The following FUT9 variants were observed in gnomAD, a reference collection of about 807,000 sequenced individuals.
FUT9 encodes 4-galactosyl-N-acetylglucosaminide 3-alpha-L-fucosyltransferase 9.
In FUT9, 15 loss-of-function variants were observed where a neutral mutation model predicts 29.7. The observed-to-expected ratio is 0.51, with a 90% CI of 0.34 to 0.78. The LOEUF (loss-of-function observed/expected upper bound fraction) is 0.78, where lower values mean the gene tolerates loss of function less well. Ranked by LOEUF, FUT9 falls within the 30% of genes least tolerant of loss-of-function variation. The probability of loss-of-function intolerance (pLI) is 0.01; values close to 1 mark genes in which losing one functional copy is unlikely to be tolerated. For synonymous variants in FUT9, 169 were observed against 153.7 expected (o/e 1.10, Z -0.74); for missense variants, 319 against 425.4 (o/e 0.75, Z 2.20).
At chr6:96,147,743 C>CA (rs1393429550) in intron 2 of FUT9, among the ~76,000 whole-genome samples, 3 of 151,206 alleles carry the variant, frequency 2.0e-5, no homozygotes, top group African/African-American at 7.3e-5. Flanking sequence ...AGGAGTTTTT[C>CA]AAAAAATCTC....
At chr6:96,107,707 G>T (rs917553544) in intron 1 of FUT9, among the ~76,000 whole-genome samples, 1 of 152,106 alleles carries the variant, frequency 6.6e-6, no homozygotes, top group African/African-American at 2.4e-5. Context: ...GTTTGTCAAT[G>T]GTCCTAAGTG....
intron 1 of FUT9, among the ~76,000 whole-genome samples, chr6:96,060,463 C>A (rs1026800965): frequency 3.3e-5 from 5 of 151,900 alleles, no homozygotes; most frequent in Non-Finnish European, 7.4e-5. Context: ...ATGATGTAAC[C>A]ATTTAAGTAA....
intron 1 of FUT9, among the ~76,000 whole-genome samples, chr6:96,113,262 A>G (rs2127961557): frequency 6.6e-6 from 1 of 152,076 alleles, no homozygotes; most frequent in African/African-American, 2.4e-5. Context: ...TTTTTGAGAC[A>G]GAGTCTTGCT....
chr6:96,203,488 A>G lies in FUT9; in HGVS notation c.333A>G (p.Arg111=). The part of the protein sequence containing the change: ...NKSHAVLIHH[R]DISWDLTNLP... ...CCCATGCAGTTCTGATCCATCACCG[A>G]GACATCAGTTGGGATCTGACAAATT... The change falls in exon 3 of 3, where the codon CGA becomes CGG. Residue 111 remains arginine, a synonymous_variant. Coordinates refer to ENST00000302103, the MANE Select transcript of FUT9 (RefSeq NM_006581.4). 1.2e-6 allele frequency: 2 copies of G among 1,611,524 alleles called. No individual in the cohort carries two copies. The highest frequency in any genetic ancestry group is 1.1e-5 in the South Asian group (1 of 90,774).
intron 2 of FUT9, among the ~76,000 whole-genome samples, chr6:96,193,080 G>T (rs1333114311): frequency 6.6e-6 from 1 of 150,564 alleles, no homozygotes; most frequent in African/African-American, 2.4e-5. Context: ...TTAAATGTTA[G>T]ACCTAAAACC....
intron 1 of FUT9, among the ~76,000 whole-genome samples, chr6:96,104,342 A>G (rs1456391867): frequency 1.3e-5 from 2 of 152,208 alleles, no homozygotes; most frequent in African/African-American, 2.4e-5. Flanking sequence ...TAAATATTTT[A>G]ATATTATTTG....
At chr6:96,199,650 T>C (rs1424300296) in intron 2 of FUT9, among the ~76,000 whole-genome samples, 3 of 152,108 alleles carry the variant, frequency 2.0e-5, no homozygotes, top group Non-Finnish European at 4.4e-5. Flanking sequence ...TTTGCTCTTC[T>C]AGTGGTAGGA....
At chr6:96,108,937 C>A (rs1771745830) in intron 1 of FUT9, among the ~76,000 whole-genome samples, 1 of 152,018 alleles carries the variant, frequency 6.6e-6, no homozygotes, top group Non-Finnish European at 1.5e-5. Context: ...GTGTTAGGAA[C>A]CCTTATGGCC....
chr6:96,045,947 T>C (rs1770555675), intron 1 of FUT9, among the ~76,000 whole-genome samples: 1 of 152,162 alleles, frequency 6.6e-6, no homozygotes, highest in Non-Finnish European at 1.5e-5. Context: ...CACCATGAGG[T>C]AGGGTATAAT....
At chr6:96,169,731 T>C (rs1054368430) in intron 2 of FUT9, among the ~76,000 whole-genome samples, 9 of 152,186 alleles carry the variant, frequency 5.9e-5, no homozygotes, top group African/African-American at 2.2e-4. Context: ...CTCTTTTAAA[T>C]GCTCTGTGTT....
chr6:96,142,211 C>T (rs1460270261), intron 2 of FUT9, among the ~76,000 whole-genome samples: 1 of 152,084 alleles, frequency 6.6e-6, no homozygotes, highest in African/African-American at 2.4e-5. Flanking sequence ...TTTCTAGGTC[C>T]TGAAGTTCAT....
At chr6:96,030,218 A>G (rs1041051017) in intron 1 of FUT9, among the ~76,000 whole-genome samples, 1 of 151,620 alleles carries the variant, frequency 6.6e-6, no homozygotes, top group African/African-American at 2.4e-5. Flanking sequence ...ACACATCATA[A>G]AGGACTGATA....
intron 1 of FUT9, among the ~76,000 whole-genome samples, chr6:96,035,618 T>A (rs1213408023): frequency 7.1e-6 from 1 of 141,098 alleles, no homozygotes; most frequent in Non-Finnish European, 1.5e-5. Flanking sequence ...TTTAATATTA[T>A]AATTAAAATA....
intron 2 of FUT9, among the ~76,000 whole-genome samples, chr6:96,192,424 C>A (rs541610630): frequency 1.3e-5 from 2 of 151,954 alleles, no homozygotes; most frequent in African/African-American, 2.4e-5. Flanking sequence ...AAACAGAGAG[C>A]GAAATCATGA....
In FUT9 at chr6:96,205,557, T is replaced by C. The variant is rs1278550914; in HGVS notation, c.*1322T>C. On this transcript the variant is annotated 3_prime_UTR_variant, in exon 3 of 3. Coordinates refer to ENST00000302103, the MANE Select transcript of FUT9 (RefSeq NM_006581.4). ...CATTACATGAAAATTTTGAAGAGTA[T>C]ATTCCTGAACTTGCAGCTGCCTATA... is the stretch of plus-strand genomic sequence containing the variant. 3 of 166,992 alleles carry C rather than the reference T, an allele frequency of 1.8e-5. No homozygotes were observed. The highest frequency in any genetic ancestry group is 2.9e-5 in the Non-Finnish European group (2 of 68,110). The allele number at this position is 166,992 out of a possible 1,614,324, so 10.3% of individuals were successfully genotyped here. A position where few individuals can be genotyped will look rare whatever the true frequency, so the allele number is the denominator to read the frequency against.
intron 2 of FUT9, among the ~76,000 whole-genome samples, chr6:96,167,926 CA>C (rs1716752713): frequency 6.6e-6 from 1 of 152,032 alleles, no homozygotes; most frequent in Admixed American, 6.6e-5. Context: ...AAGAAGAGGT[CA>C]GAGAAGTCAC....
rs151174530 is a variant in FUT9, at chr6:96,089,880, A to G, written c.-97-24159A>G. 1.7e-4 allele frequency among the ~76,000 whole-genome samples: 26 copies of G among 152,324 alleles called. No homozygotes were observed. The East Asian group carries it at 3.3e-3, about 19-fold the overall frequency. On this transcript the variant is annotated intron_variant, in intron 1 of 2. Coordinates refer to ENST00000302103, the MANE Select transcript of FUT9 (RefSeq NM_006581.4). ...ACAGTTTAAGGTAGAAATAATTTTT[A>G]TGTATAATGACGAATATTTGGTAAT...
chr6:96,137,819 T>C (rs1772386620), intron 2 of FUT9, among the ~76,000 whole-genome samples: 2 of 152,086 alleles, frequency 1.3e-5, no homozygotes, highest in African/African-American at 2.4e-5. Context: ...AAGTTAAAAA[T>C]AGAGGGAACT....
chr6:96,136,965 T>C (rs1772359647), intron 2 of FUT9, among the ~76,000 whole-genome samples: 1 of 151,956 alleles, frequency 6.6e-6, no homozygotes, highest in Non-Finnish European at 1.5e-5. Context: ...CCAAATAGAA[T>C]AGGATACGAG....
Sources: gnomAD v4.1 joint callset for allele counts (sites outside exome capture counted in the v4.1 genomes callset) on GRCh38, gnomAD v4.1.1 for gene constraint, MANE v1.5 for transcripts, NCBI Gene and HGNC (gene_info 2026-07-23, HGNC 2026-07-21) for gene names.